PTPRR: variants seen among roughly 807,000 people sequenced by gnomAD.
The protein encoded by PTPRR is protein tyrosine phosphatase receptor type R, also known as receptor-type tyrosine-protein phosphatase R.
A neutral mutation model predicts 77.2 loss-of-function variants in PTPRR; 38 were observed. The ratio of observed to expected loss-of-function variants is 0.49; its 90% confidence interval spans 0.38 to 0.65. The LOEUF is 0.65. PTPRR is among the 30% of genes least tolerant of loss of function. PTPRR has a pLI of 0.00. For synonymous variants in PTPRR, 299 were observed against 283.1 expected, an observed-to-expected ratio of 1.06 and a Z score of -0.57; for missense variants, 744 against 799.2, an observed-to-expected ratio of 0.93 and a Z score of 0.83.
intron 6 of PTPRR, among the ~76,000 whole-genome samples, chr12:70,734,310 A>T (rs1889788358): frequency 6.6e-6 from 1 of 152,224 alleles, no homozygotes; most frequent in South Asian, 2.1e-4. Context: ...ATCTCAAAAA[A>T]TTGTACCACG....
intron 6 of PTPRR, among the ~76,000 whole-genome samples, chr12:70,737,486 A>ATATATATATCTATC (rs1555171433): frequency 6.9e-6 from 1 of 144,140 alleles, no homozygotes; most frequent in African/African-American, 2.6e-5. Flanking sequence ...TATTTAATGA[A>ATATATATATCTATC]TATCTATCTA....
At chr12:70,885,682 C>T (rs1893227606) in intron 2 of PTPRR, among the ~76,000 whole-genome samples, 2 of 151,344 alleles carry the variant, frequency 1.3e-5, no homozygotes, top group Non-Finnish European at 2.9e-5. Flanking sequence ...CTATAGGCGC[C>T]CACCACCATG....
chr12:70,645,008 CG>C (rs1236040775), intron 13 of PTPRR, among the ~76,000 whole-genome samples: 2 of 152,096 alleles, frequency 1.3e-5, no homozygotes, highest in African/African-American at 4.8e-5. Flanking sequence ...CAAACGTCAT[CG>C]GGTTGTGAGG....
chr12:70,745,110 G>A (rs370899445), intron 6 of PTPRR, among the ~76,000 whole-genome samples: 1 of 152,098 alleles, frequency 6.6e-6, no homozygotes, highest in Non-Finnish European at 1.5e-5. Context: ...TGTTGCCAAG[G>A]CTGGAGTGCA....
chr12:70,836,704 T>G (rs1448168619), intron 2 of PTPRR, among the ~76,000 whole-genome samples: 1 of 151,872 alleles, frequency 6.6e-6, no homozygotes, highest in Non-Finnish European at 1.5e-5. Flanking sequence ...CTCTCACTCC[T>G]CACTCCCACT....
intron 2 of PTPRR, among the ~76,000 whole-genome samples, chr12:70,827,692 C>T (rs899691455): frequency 6.9e-6 from 1 of 145,852 alleles, no homozygotes; most frequent in African/African-American, 2.6e-5. Flanking sequence ...ATTATAGGTG[C>T]CTGCCACCAC....
At chr12:70,855,767 CG>C (rs1190471428) in intron 2 of PTPRR, among the ~76,000 whole-genome samples, 1 of 152,088 alleles carries the variant, frequency 6.6e-6, no homozygotes, top group African/African-American at 2.4e-5. Flanking sequence ...AAAAGTTATT[CG>C]TTTTTAAGGC....
chr12:70,708,006 C>T (rs1328761056), intron 6 of PTPRR, among the ~76,000 whole-genome samples: 1 of 152,100 alleles, frequency 6.6e-6, no homozygotes, highest in Non-Finnish European at 1.5e-5. Flanking sequence ...GGCAGACAAT[C>T]TACCTGCAGT....
intron 2 of PTPRR, among the ~76,000 whole-genome samples, chr12:70,789,470 A>C (rs1041379442): frequency 3.9e-5 from 6 of 152,132 alleles, no homozygotes; most frequent in Admixed American, 1.3e-4. Flanking sequence ...TGACTCAATC[A>C]GAGGCAAAGT....
At chr12:70,863,997 G>T (rs1892797966) in intron 2 of PTPRR, among the ~76,000 whole-genome samples, 1 of 152,188 alleles carries the variant, frequency 6.6e-6, no homozygotes, top group African/African-American at 2.4e-5. Context: ...AGAACAGATA[G>T]CCTCGCTGAG....
intron 2 of PTPRR, among the ~76,000 whole-genome samples, chr12:70,835,095 A>G (rs901144635): frequency 6.6e-6 from 1 of 152,124 alleles, no homozygotes; most frequent in Non-Finnish European, 1.5e-5. Context: ...TGAGATAAAT[A>G]AGTACTTCTC....
intron 2 of PTPRR, among the ~76,000 whole-genome samples, chr12:70,880,148 T>C (rs1893124003): frequency 6.6e-6 from 1 of 151,726 alleles, no homozygotes; most frequent in South Asian, 2.1e-4. Context: ...ATAATAACAG[T>C]CAATTTTTAT....
intron 2 of PTPRR, among the ~76,000 whole-genome samples, chr12:70,865,225 C>T (rs755370626): frequency 2.7e-5 from 3 of 110,846 alleles, no homozygotes; most frequent in Non-Finnish European, 6.6e-5. Flanking sequence ...GTGAGGCCTC[C>T]CCAGCTACGT....
intron 6 of PTPRR, among the ~76,000 whole-genome samples, chr12:70,739,809 G>A (rs1016128682): frequency 6.6e-6 from 1 of 152,198 alleles, no homozygotes; most frequent in Non-Finnish European, 1.5e-5. Flanking sequence ...CTGGAGACTA[G>A]AGATCGGTAG....
At chr12:70,657,869 A>G (rs1451049442) in intron 12 of PTPRR, among the ~76,000 whole-genome samples, 1 of 152,178 alleles carries the variant, frequency 6.6e-6, no homozygotes, top group Non-Finnish European at 1.5e-5. Context: ...TATAGACTGT[A>G]ATCACGTTTT....
intron 2 of PTPRR, among the ~76,000 whole-genome samples, chr12:70,792,380 A>G (rs886333114): frequency 6.6e-6 from 1 of 152,182 alleles, no homozygotes; most frequent in African/African-American, 2.4e-5. Flanking sequence ...TAATTTTTCA[A>G]CTATGTCATG....
chr12:70,754,157 G>A (rs759413791), intron 5 of PTPRR, 34 bp downstream of exon 5: 13 of 1,598,358 alleles, frequency 8.1e-6, no homozygotes, highest in Middle Eastern at 1.7e-4. Context: ...AGTGGGCTGA[G>A]CAAAGGATAA....
chr12:70,897,085 G>T (rs888235400), intron 1 of PTPRR, among the ~76,000 whole-genome samples: 1 of 151,734 alleles, frequency 6.6e-6, no homozygotes, highest in Non-Finnish European at 1.5e-5. Flanking sequence ...GGATTGACTT[G>T]GCAATGTGGG....
At chr12:70,682,339 G>A (rs974815377) in intron 10 of PTPRR, among the ~76,000 whole-genome samples, 2 of 152,026 alleles carry the variant, frequency 1.3e-5, no homozygotes, top group African/African-American at 2.4e-5. Flanking sequence ...CACCGCGCCC[G>A]GCCGTTGTTC....
Sources: allele counts gnomAD v4.1 joint callset (sites outside exome capture counted in the v4.1 genomes callset), GRCh38; gene constraint gnomAD v4.1.1; transcripts MANE v1.5; gene names NCBI Gene and HGNC (gene_info 2026-07-23, HGNC 2026-07-21).